The following PTCH1 variants were observed in gnomAD, a reference collection of about 807,000 sequenced individuals.
PTCH1 encodes the protein protein patched homolog 1.
PTCH1 carries 14 observed loss-of-function variants against 144.6 expected under a neutral mutation model. That is an observed-to-expected ratio of 0.10 (90% CI 0.06 to 0.15). The LOEUF (loss-of-function observed/expected upper bound fraction) is 0.15, where lower values mean the gene tolerates loss of function less well. Among genes scored for constraint, PTCH1 ranks in the 10% least tolerant of loss-of-function variants. The pLI is 1.00. For synonymous variants in PTCH1, 833 were observed against 793.6 expected, an observed-to-expected ratio of 1.05 and a Z score of -0.83; for missense variants, 1,623 against 1,948.3, an observed-to-expected ratio of 0.83 and a Z score of 3.14.
chr9:95,443,964 A>G lies in PTCH1; in HGVS notation c.*2429T>C, dbSNP rs191566695. On this transcript the variant is annotated 3_prime_UTR_variant, in exon 24 of 24. Transcript: ENST00000331920. ...ATTAGTAAGCACTCTATACAAATAA[A>G]AATTCTGTCCAAAAGTAAAACATAG... 6.5e-6 allele frequency: 1 copy of G among 152,728 alleles called. No individual in the cohort carries two copies. Among genetic ancestry groups the G allele is most frequent in the East Asian group, 1.9e-4 (1 of 5,186 alleles). 9.5% of individuals were successfully genotyped at this position (152,728 alleles called of 1,614,324 possible).
Position 95,449,461 on chromosome 9 carries a change from C to A in PTCH1, c.3550-138G>T. On this transcript the variant is annotated intron_variant, in intron 21 of 23. Transcript: ENST00000331920. This position sits in a 1 kb window ranked among gnomAD's most constrained non-coding sequence, Gnocchi z 5.3. ...TGCGCACTGTGCCGTATTAACCTCC[C>A]CTTCTCTACCACCTGGAGGACCTTC... 1 of 1,235,166 alleles carries A rather than the reference C, an allele frequency of 8.1e-7. No individual in the cohort carries two copies. The allele number at this position is 1,235,166 out of a possible 1,614,324, so 76.5% of individuals were successfully genotyped here.
intron 2 of PTCH1, among the ~76,000 whole-genome samples, chr9:95,488,026 G>A (rs937107344): frequency 8.5e-5 from 13 of 152,170 alleles, no homozygotes; most frequent in African/African-American, 2.9e-4. Flanking sequence ...TGAGAGTGCA[G>A]TGTGCACAAA....
upstream of PTCH1, among the ~76,000 whole-genome samples, chr9:95,511,336 A>C (rs1587706080): frequency 6.7e-6 from 1 of 148,182 alleles, no homozygotes; most frequent in Non-Finnish European, 1.5e-5. Flanking sequence ...CTCCCCCACC[A>C]GCCTGGCCAC....
chr9:95,478,656 T>C (rs556543810), intron 8 of PTCH1, among the ~76,000 whole-genome samples: 1 of 152,332 alleles, frequency 6.6e-6, no homozygotes, highest in East Asian at 1.9e-4. Context: ...TCACATGACC[T>C]GACCAAGGGG....
At chr9:95,465,133 C>T (rs59015093) in intron 15 of PTCH1, among the ~76,000 whole-genome samples, 18,176 of 151,982 alleles carry the variant, frequency 0.12, 1,207 homozygotes, top group African/African-American at 0.17. Flanking sequence ...AAGGAAGAAA[C>T]GTATAGAGAT....
chr9:95,485,078 C>T (rs1211779223), intron 3 of PTCH1, among the ~76,000 whole-genome samples: 6 of 151,962 alleles, frequency 3.9e-5, no homozygotes, highest in Non-Finnish European at 7.4e-5. Flanking sequence ...TGGTGGTGGG[C>T]GCCTCTAGCC....
chr9:95,449,806 G>C lies in PTCH1; in HGVS notation c.3549+35C>G. The C allele has an allele frequency of 6.4e-7, 1 of 1,553,706 alleles. No individual in the cohort carries two copies. Among genetic ancestry groups the C allele is most frequent in the Non-Finnish European group, 8.9e-7 (1 of 1,125,840 alleles). On this transcript the variant is annotated intron_variant, in intron 21 of 23. Transcript: ENST00000331920. This position sits in a 1 kb window ranked among gnomAD's most constrained non-coding sequence, Gnocchi z 5.3. ...GCACAGGAAACACAGCATTCAGCCGGCCTACACGTGGGACATCCCCGTGTC... is the reference window on the plus strand; with the variant it reads ...GCACAGGAAACACAGCATTCAGCCGCCCTACACGTGGGACATCCCCGTGTC...
rs539421856 is a variant in PTCH1 at position 95,497,298 on chromosome 9, C to T, written c.394+9109G>A. Among the ~76,000 whole-genome samples the T allele has an allele frequency of 5.3e-5, 8 of 152,320 alleles. No homozygotes were observed. The East Asian group carries it at 1.2e-3, about 22-fold the overall frequency. On this transcript the variant is annotated intron_variant, in intron 2 of 23. Coordinates refer to ENST00000331920, the MANE Select transcript of PTCH1 (RefSeq NM_000264.5). ...TCCTGTCATTGCTGGCAGCATCGTA[C>T]GACACGTTATACCGGAGGGTGGCCC...
At chr9:95,486,783 C>T (rs1047335629) in intron 2 of PTCH1, among the ~76,000 whole-genome samples, 2 of 152,228 alleles carry the variant, frequency 1.3e-5, no homozygotes, top group African/African-American at 2.4e-5. Flanking sequence ...GTTCAATGAA[C>T]GGTTCTGGGC....
chr9:95,491,237 C>T (rs979151001), intron 2 of PTCH1, among the ~76,000 whole-genome samples: 5 of 152,190 alleles, frequency 3.3e-5, no homozygotes, highest in Non-Finnish European at 7.3e-5. Context: ...ATCATTGCTG[C>T]TCCTCCATCA....
intron 15 of PTCH1, among the ~76,000 whole-genome samples, chr9:95,463,582 G>C (rs2136703550): frequency 6.6e-6 from 1 of 152,308 alleles, no homozygotes; most frequent in East Asian, 1.9e-4. Flanking sequence ...TTTCCTCGCT[G>C]TAACAATTTT....
rs1837754316 is a variant in PTCH1, at chr9:95,444,850, C to G, written c.*1543G>C. 6.6e-6 allele frequency: 1 copy of G among 152,122 alleles called. No individual in the cohort carries two copies. The highest frequency in any genetic ancestry group is 2.4e-5 in the African/African-American group (1 of 41,404). 9.4% of individuals were successfully genotyped at this position (152,122 alleles called of 1,614,324 possible). A position where few individuals can be genotyped will look rare whatever the true frequency, so the allele number is the denominator to read the frequency against. On this transcript the variant is annotated 3_prime_UTR_variant, in exon 24 of 24. Transcript: ENST00000331920. ...GGTTACGAGATGAGGGAGCCCACAC[C>G]TCAGAGCAAAAGAAGAGAACCAGTA...
chr9:95,504,135 T>C (rs1257632140), intron 2 of PTCH1, among the ~76,000 whole-genome samples: 1 of 149,300 alleles, frequency 6.7e-6, no homozygotes. Flanking sequence ...TACATGGCAG[T>C]TGCTCAACAA....
chr9:95,446,706 A>G (rs1469561348), intron 23 of PTCH1: 17 of 659,594 alleles, frequency 2.6e-5, no homozygotes, highest in Non-Finnish European at 4.0e-5. Flanking sequence ...GGGGGAAGAG[A>G]GCAGTGTGGA....
At position 95,443,843 on chromosome 9, in the gene PTCH1, G is replaced by A. The variant is rs979992099; in HGVS notation, c.*2550C>T. On this transcript the variant is annotated 3_prime_UTR_variant, in exon 24 of 24. Coordinates refer to ENST00000331920, the MANE Select transcript of PTCH1 (RefSeq NM_000264.5). ...ACTCATTTCCACCAAAATTGGCAAT[G>A]AGACCCAGTTTGAATATTTATTTCC... is the stretch of plus-strand genomic sequence containing the variant. The A allele has an allele frequency of 2.0e-5, 3 of 152,572 alleles. No homozygotes were observed. Among genetic ancestry groups the A allele is most frequent in the Admixed American group, 6.5e-5 (1 of 15,276 alleles). The allele number at this position is 152,572 out of a possible 1,614,324, so 9.5% of individuals were successfully genotyped here.
At position 95,482,184 on chromosome 9, in the gene PTCH1, A is replaced by G. The variant is rs186378466; in HGVS notation, c.604T>C (p.Leu202=). The change falls in exon 4 of 24, where the codon TTG becomes CTG. Residue 202 remains leucine (L), a synonymous_variant. Transcript: ENST00000331920. ...ATAAGCTCTCCTGATTTGTAACACA[A>G]ATGTTCCAATTTCCACTGCCTAATA... ...MYNRQWKLEH[L]CYKSGELITE... is the part of the protein sequence containing the mutation. 1.2e-6 allele frequency: 2 copies of G among 1,614,160 alleles called. No individual in the cohort carries two copies. The highest frequency in any genetic ancestry group is 1.7e-5 in the Admixed American group (1 of 60,026).
chr9:95,506,868 G>T, intron 1 of PTCH1: 1 of 1,176,868 alleles, frequency 8.5e-7, no homozygotes, highest in East Asian at 4.0e-5. Flanking sequence ...TTGGGGCACT[G>T]GGGCTGCAAT....
intron 15 of PTCH1, among the ~76,000 whole-genome samples, chr9:95,463,071 T>G (rs1839667288): frequency 7.1e-6 from 1 of 140,602 alleles, no homozygotes; most frequent in Non-Finnish European, 1.5e-5. Flanking sequence ...AAACCACAGC[T>G]TTTGAACAAG....
At chr9:95,490,520 GACAC>G (rs35550307) in intron 2 of PTCH1, among the ~76,000 whole-genome samples, 3,086 of 140,248 alleles carry the variant, frequency 0.022, 40 homozygotes, top group South Asian at 0.043. Flanking sequence ...CCTTCTATGT[GACAC>G]ACACACACAC....
Sources: allele counts gnomAD v4.1 joint callset (sites outside exome capture counted in the v4.1 genomes callset), GRCh38; gene constraint gnomAD v4.1.1; non-coding constraint Gnocchi (gnomAD v3.1); transcripts MANE v1.5; gene names NCBI Gene and HGNC (gene_info 2026-07-23, HGNC 2026-07-21).